SLC43A2: variants seen among roughly 807,000 people sequenced by gnomAD.
The protein encoded by SLC43A2 is solute carrier family 43 member 2.
Under a neutral mutation model 63.2 loss-of-function variants are expected in SLC43A2, and 38 were observed. That is an observed-to-expected ratio of 0.60 (90% CI 0.46 to 0.79). SLC43A2 has a LOEUF of 0.79. Ranked by LOEUF, SLC43A2 falls within the 30% of genes least tolerant of loss-of-function variation. SLC43A2 has a pLI of 0.00. For missense variants in SLC43A2, 644 were observed against 756.2 expected, an observed-to-expected ratio of 0.85 and a Z score of 1.74; for synonymous variants, 322 against 331.0, an observed-to-expected ratio of 0.97 and a Z score of 0.30.
At chr17:1,621,514 G>A (rs532173074) in intron 2 of SLC43A2, among the ~76,000 whole-genome samples, 3 of 152,284 alleles carry the variant, frequency 2.0e-5, no homozygotes, top group Non-Finnish European at 1.5e-5. Context: ...GTGAGAGGTC[G>A]GCTCAGACAC....
chr17:1,620,056 A>T (rs902397623), intron 2 of SLC43A2, among the ~76,000 whole-genome samples: 1 of 152,150 alleles, frequency 6.6e-6, no homozygotes, highest in Non-Finnish European at 1.5e-5. Flanking sequence ...TCTCATCTAG[A>T]GCCAGAAGAT....
intron 5 of SLC43A2, among the ~76,000 whole-genome samples, chr17:1,611,809 G>A (rs1423272740): frequency 6.6e-6 from 1 of 152,148 alleles, no homozygotes; most frequent in Non-Finnish European, 1.5e-5. Flanking sequence ...ATGCAGGCGA[G>A]GTTTCCTTGA....
At chr17:1,588,303 T>G (rs1280958495) in intron 9 of SLC43A2, among the ~76,000 whole-genome samples, 1 of 152,026 alleles carries the variant, frequency 6.6e-6, no homozygotes, top group Non-Finnish European at 1.5e-5. Flanking sequence ...GAACAATCGC[T>G]TGAACCCGAG....
rs1292997948 is a variant in SLC43A2 at position 1,606,907 on chromosome 17, C to T, written c.501+6288G>A. Among the ~76,000 whole-genome samples the T allele has an allele frequency of 2.0e-5, 3 of 152,230 alleles. No individual in the cohort carries two copies. Among genetic ancestry groups the T allele is most frequent in the Admixed American group, 6.5e-5 (1 of 15,280 alleles). The stretch of plus-strand genomic sequence containing the variant: ...CCACCCTTGCCCCTCGGAGCCTCCA[C>T]TTGGGAGGGAAATACCACCATGGGT... On this transcript the variant is annotated intron_variant, in intron 5 of 13. Transcript: ENST00000301335. The surrounding 1 kb of genome is among the most constrained non-coding windows in gnomAD (Gnocchi z 4.7).
chr17:1,628,563 G>A (rs1383845546), intron 1 of SLC43A2, among the ~76,000 whole-genome samples: 3 of 152,176 alleles, frequency 2.0e-5, no homozygotes, highest in Non-Finnish European at 4.4e-5. Flanking sequence ...GCGCGAGCCA[G>A]CCGCGCGACC....
chr17:1,593,449 C>T lies in SLC43A2; in HGVS notation c.502-170G>A, dbSNP rs1367385446. ...CAATGACCGCTCACTGAAGGTTTCT[C>T]CTTCATGGACTGAGGCTGATGGGGC... is the stretch of plus-strand genomic sequence containing the variant. On this transcript the variant is annotated intron_variant, in intron 5 of 13. Coordinates refer to ENST00000301335, the MANE Select transcript of SLC43A2 (RefSeq NM_152346.3). The surrounding 1 kb of genome is among the most constrained non-coding windows in gnomAD (Gnocchi z 5.3). 6.6e-6 allele frequency among the ~76,000 whole-genome samples: 1 copy of T among 152,140 alleles called. No individual in the cohort carries two copies. The highest frequency in any genetic ancestry group is 1.5e-5 in the Non-Finnish European group (1 of 68,034).
chr17:1,620,019 C>T (rs1908010106), intron 2 of SLC43A2, among the ~76,000 whole-genome samples: 1 of 152,220 alleles, frequency 6.6e-6, no homozygotes, highest in South Asian at 2.1e-4. Flanking sequence ...GGAGGAACCA[C>T]AGCTGGGTCT....
At chr17:1,600,532 ATTT>A (rs1041602016) in intron 5 of SLC43A2, among the ~76,000 whole-genome samples, 1 of 134,644 alleles carries the variant, frequency 7.4e-6, no homozygotes, top group Non-Finnish European at 1.6e-5. Flanking sequence ...CTCATAAGAG[ATTT>A]TTTTTTCTTT....
Position 1,573,199 on chromosome 17 carries a change from A to AAAG in SLC43A2, c.*2404_*2405insCTT, listed in dbSNP as rs1555534437. 7 of 150,056 alleles carry AAAG rather than the reference A, an allele frequency of 4.7e-5. No homozygotes were observed. The highest frequency in any genetic ancestry group is 1.7e-4 in the African/African-American group (7 of 40,714). 9.3% of individuals were successfully genotyped at this position (150,056 alleles called of 1,614,324 possible). A position where few individuals can be genotyped will look rare whatever the true frequency, so the allele number is the denominator to read the frequency against. On this transcript the variant is annotated 3_prime_UTR_variant, in exon 14 of 14. Transcript: ENST00000301335. ...CTCAAAAAAAAAAAAAAAAAAAAAA[A>AAAG]GGCGGCCTTTTCCCAGCTGGCAGCA...
intron 11 of SLC43A2, among the ~76,000 whole-genome samples, chr17:1,582,866 G>A (rs958917487): frequency 6.6e-6 from 1 of 152,192 alleles, no homozygotes; most frequent in Non-Finnish European, 1.5e-5. Flanking sequence ...ATCGCCTGAG[G>A]TCAGGAGTTC....
rs538367643 is a variant in SLC43A2 at position 1,615,109 on chromosome 17, G to T, written c.369-75C>A. ...GTGTTATTGTTTTGTTTTTGTTTTT[G>T]GTTTTTGGTTTTTCTTGAGACAGAG... On this transcript the variant is annotated intron_variant, in intron 3 of 13. Transcript: ENST00000301335. The T allele has an allele frequency of 1.2e-4, 193 of 1,563,784 alleles. 1 individual carries two copies. In the East Asian group the frequency reaches 3.7e-3, roughly 30 times the overall value.
intron 9 of SLC43A2, chr17:1,586,832 G>A (rs755179041): frequency 5.4e-5 from 58 of 1,082,190 alleles, no homozygotes; most frequent in Non-Finnish European, 6.9e-5. Context: ...TTACCCCCAC[G>A]GCTCTAGCCA....
intron 2 of SLC43A2, among the ~76,000 whole-genome samples, chr17:1,618,738 A>G (rs968037656): frequency 6.6e-6 from 1 of 152,282 alleles, no homozygotes. Flanking sequence ...TAATCCCAGC[A>G]CTTTGGGAGG....
chr17:1,605,188 C>T lies in SLC43A2; in HGVS notation c.501+8007G>A, dbSNP rs531810546. ...CTGTCCTGCCAGCCCGGGCTGTTCA[C>T]TCACTGCCTCCACGCAGCCTCAGTC... On this transcript the variant is annotated intron_variant, in intron 5 of 13. Coordinates refer to ENST00000301335, the MANE Select transcript of SLC43A2 (RefSeq NM_152346.3). This position sits in a 1 kb window ranked among gnomAD's most constrained non-coding sequence, Gnocchi z 4.9. 4.1e-5 allele frequency: 48 copies of T among 1,158,200 alleles called. No homozygotes were observed. The African/African-American group carries it at 5.9e-4, about 14-fold the overall frequency. The allele number at this position is 1,158,200 out of a possible 1,614,324, so 71.7% of individuals were successfully genotyped here. A position where few individuals can be genotyped will look rare whatever the true frequency, so the allele number is the denominator to read the frequency against.
At chr17:1,618,198 C>T (rs543161627) in intron 2 of SLC43A2, among the ~76,000 whole-genome samples, 3 of 152,308 alleles carry the variant, frequency 2.0e-5, no homozygotes, top group South Asian at 2.1e-4. Flanking sequence ...CCGCCGGGGC[C>T]GTGTGGATGA....
At chr17:1,615,853 T>TAAATAAAC (rs1907606884) in intron 3 of SLC43A2, among the ~76,000 whole-genome samples, 1 of 137,282 alleles carries the variant, frequency 7.3e-6, no homozygotes, top group Non-Finnish European at 1.6e-5. Flanking sequence ...AATAAATAAA[T>TAAATAAAC]AAATAAATAA....
chr17:1,612,377 G>A (rs992480618), intron 5 of SLC43A2, among the ~76,000 whole-genome samples: 5 of 152,160 alleles, frequency 3.3e-5, no homozygotes, highest in Non-Finnish European at 1.5e-5. Flanking sequence ...TTAGTACCCC[G>A]AGAAAACATC....
chr17:1,617,415 G>A (rs1401581975), intron 2 of SLC43A2, among the ~76,000 whole-genome samples: 1 of 151,820 alleles, frequency 6.6e-6, no homozygotes, highest in East Asian at 1.9e-4. Context: ...TTTTGAGGCG[G>A]AGTCTCACTC....
In SLC43A2 at chr17:1,570,694, G is replaced by A. The variant is rs2075835247; in HGVS notation, c.*4910C>T. 6.6e-6 allele frequency: 1 copy of A among 151,140 alleles called. No homozygotes were observed. Among genetic ancestry groups the A allele is most frequent in the South Asian group, 2.1e-4 (1 of 4,752 alleles). The allele number at this position is 151,140 out of a possible 1,614,324, so 9.4% of individuals were successfully genotyped here. A position where few individuals can be genotyped will look rare whatever the true frequency, so the allele number is the denominator to read the frequency against. On this transcript the variant is annotated 3_prime_UTR_variant, in exon 14 of 14. Transcript: ENST00000301335. ...GTAGAGACGGGGTTTCACCGTTTTA[G>A]CCGGGATGGTCTTGATCTCCTGACC...
Sources: gnomAD v4.1 joint callset for allele counts (sites outside exome capture counted in the v4.1 genomes callset) on GRCh38, gnomAD v4.1.1 for gene constraint, Gnocchi (gnomAD v3.1) non-coding constraint, MANE v1.5 for transcripts, NCBI Gene and HGNC (gene_info 2026-07-23, HGNC 2026-07-21) for gene names.